The following BLOC1S3 variants were observed in gnomAD, a reference collection of about 807,000 sequenced individuals.
BLOC1S3 encodes the protein biogenesis of lysosomal organelles complex 1 subunit 3.
A neutral mutation model predicts 9.1 loss-of-function variants in BLOC1S3; 7 were observed. The ratio of observed to expected loss-of-function variants is 0.77; its 90% confidence interval spans 0.44 to 1.45. The LOEUF (loss-of-function observed/expected upper bound fraction) is 1.45, where lower values mean the gene tolerates loss of function less well. Among genes scored for constraint, BLOC1S3 ranks in the 40% most tolerant of loss-of-function variants. The pLI is 0.01. For missense variants in BLOC1S3, 307 were observed against 315.2 expected, an observed-to-expected ratio of 0.97 and a Z score of 0.20; for synonymous variants, 145 against 158.4, an observed-to-expected ratio of 0.92 and a Z score of 0.64.
At chr19:45,215,959 G>T in intron 3 of BLOC1S3, 1 of 1,458,444 alleles carries the variant, frequency 6.9e-7, no homozygotes, top group South Asian at 1.3e-5. Flanking sequence ...ACGGCCGTCA[G>T]ACACGCTCAC....
chr19:45,216,121 C>G (rs1290860530), intron 3 of BLOC1S3: 1 of 1,613,988 alleles, frequency 6.2e-7, no homozygotes, highest in Admixed American at 1.7e-5. Flanking sequence ...CACCTGGATG[C>G]TGGGCGTGTC....
At chr19:45,211,937 C>A (rs1036736152) in intron 3 of BLOC1S3, among the ~76,000 whole-genome samples, 1 of 152,134 alleles carries the variant, frequency 6.6e-6, no homozygotes, top group South Asian at 2.1e-4. Context: ...TAGGATCCGG[C>A]GGGGCTGGGG....
At chr19:45,202,210 TAAAAAAAAAAAAAAA>T (rs59295257) in intron 2 of BLOC1S3, among the ~76,000 whole-genome samples, 1 of 54,906 alleles carries the variant, frequency 1.8e-5, no homozygotes, top group East Asian at 8.5e-4. Context: ...AGACTCCATC[TAAAAAAAAAAAAAAA>T]AAAAAAAAAA....
chr19:45,201,839 G>A (rs1162941606), intron 2 of BLOC1S3, among the ~76,000 whole-genome samples: 1 of 152,088 alleles, frequency 6.6e-6, no homozygotes. Context: ...CTGTTCTTGT[G>A]GTATTGAATA....
intron 2 of BLOC1S3, among the ~76,000 whole-genome samples, chr19:45,197,702 G>A (rs1969659650): frequency 6.6e-6 from 1 of 151,594 alleles, no homozygotes; most frequent in African/African-American, 2.4e-5. Context: ...GTGGGTGCCT[G>A]TAATCCCAGC....
chr19:45,211,045 A>G (rs562883018), intron 3 of BLOC1S3, among the ~76,000 whole-genome samples: 11 of 152,188 alleles, frequency 7.2e-5, no homozygotes, highest in Non-Finnish European at 1.5e-4. Flanking sequence ...TAGGAGGTAG[A>G]GGCTGCAGTG....
intron 3 of BLOC1S3, among the ~76,000 whole-genome samples, chr19:45,208,893 A>C (rs1053619661): frequency 1.3e-5 from 2 of 152,208 alleles, no homozygotes. Flanking sequence ...CATGAGATAA[A>C]GTAATGCTTA....
intron 3 of BLOC1S3, among the ~76,000 whole-genome samples, chr19:45,203,381 C>T (rs1969705460): frequency 6.6e-6 from 1 of 152,170 alleles, no homozygotes; most frequent in African/African-American, 2.4e-5. Flanking sequence ...TCAAGCGATT[C>T]TCCTGCCTCA....
intron 3 of BLOC1S3, chr19:45,213,009 C>G: frequency 7.0e-7 from 1 of 1,420,686 alleles, no homozygotes; most frequent in Non-Finnish European, 9.2e-7. Context: ...GGGCGCCGTA[C>G]GGGAGGTTGG....
chr19:45,203,299 G>A (rs1486729636), intron 3 of BLOC1S3, among the ~76,000 whole-genome samples: 2 of 151,866 alleles, frequency 1.3e-5, no homozygotes, highest in East Asian at 3.9e-4. Context: ...TATTTGAGAT[G>A]GAGTCTTGCT....
At chr19:45,211,816 A>G (rs1468330989) in intron 3 of BLOC1S3, among the ~76,000 whole-genome samples, 1 of 150,028 alleles carries the variant, frequency 6.7e-6, no homozygotes, top group Non-Finnish European at 1.5e-5. Context: ...AAAAAAAACC[A>G]CATACACACA....
intron 3 of BLOC1S3, among the ~76,000 whole-genome samples, chr19:45,212,168 G>A (rs981618755): frequency 3.9e-5 from 6 of 152,214 alleles, no homozygotes; most frequent in African/African-American, 1.2e-4. Context: ...TCAGAGTGGC[G>A]AAGGCCTGGC....
At position 45,194,102 on chromosome 19, in the gene BLOC1S3, C is replaced by CTTTT. The variant is rs34470523; in HGVS notation, n.180+6384_180+6387dup. Among the ~76,000 whole-genome samples, 28 of 45,120 alleles carry CTTTT rather than the reference C, an allele frequency of 6.2e-4. 1 individual carries two copies. Among genetic ancestry groups the CTTTT allele is most frequent in the African/African-American group, 2.3e-3 (20 of 8,682 alleles). The allele number at this position is 45,120 out of a possible 152,430, so 29.6% of individuals were successfully genotyped here. A position where few individuals can be genotyped will look rare whatever the true frequency, so the allele number is the denominator to read the frequency against. ...ACAGGTGTGAGCCACCGCGCCTGGC[C>CTTTT]TTTTTTTTTTTTTTTTTTTTTTTTT... is the stretch of plus-strand genomic sequence containing the variant. On this transcript the variant is annotated intron_variant and non_coding_transcript_variant, in intron 2 of 3. Transcript: ENST00000591569.
intron 2 of BLOC1S3, among the ~76,000 whole-genome samples, chr19:45,190,456 G>A (rs1184227990): frequency 2.6e-5 from 4 of 151,742 alleles, no homozygotes; most frequent in African/African-American, 9.7e-5. Context: ...CTGGAGTGCA[G>A]TGCCACAGTC....
At chr19:45,194,102 C>CTT (rs34470523) in intron 2 of BLOC1S3, among the ~76,000 whole-genome samples, 852 of 45,130 alleles carry the variant, frequency 0.019, 100 homozygotes, top group African/African-American at 0.04. Context: ...CGCGCCTGGC[C>CTT]TTTTTTTTTT....
In BLOC1S3 at chr19:45,210,726, C is replaced by T. The variant is rs542319486; in HGVS notation, n.283-5950C>T. ...TCAGGCGATCCTCCCACCTCTGTGT[C>T]CCAAACTGCTGTGTGAGCCACTGTG... On this transcript the variant is annotated intron_variant and non_coding_transcript_variant, in intron 3 of 3. Coordinates refer to the BLOC1S3 transcript ENST00000591569. Among the ~76,000 whole-genome samples, 3 of 152,270 alleles carry T rather than the reference C, an allele frequency of 2.0e-5. No individual in the cohort carries two copies. The South Asian group carries it at 6.2e-4, about 32-fold the overall frequency.
Position 45,209,468 on chromosome 19 carries a change from T to C in BLOC1S3, n.282+6961T>C, listed in dbSNP as rs369503543. ...ACAGTGTCTTGCTCTGTCGCCCAGG[T>C]TGGAGTGCAGTAATGCAATCTCGGC... On this transcript the variant is annotated intron_variant and non_coding_transcript_variant, in intron 3 of 3. Coordinates refer to the BLOC1S3 transcript ENST00000591569. Among the ~76,000 whole-genome samples the C allele has an allele frequency of 4.5e-4, 68 of 151,192 alleles. No homozygotes were observed. In the East Asian group the frequency reaches 9.3e-3, roughly 21 times the overall value.
At position 45,181,664 on chromosome 19, in the gene BLOC1S3, C is replaced by T. The variant is rs556943431; in HGVS notation, c.*1759C>T. ...CCGATCCCAGCTCTGGTCCCTCAGC[C>T]GCATTCATATTTACTCTCCTCTCCC... is the stretch of plus-strand genomic sequence containing the variant. On this transcript the variant is annotated 3_prime_UTR_variant, in exon 2 of 2. Transcript: ENST00000433642. 139 of 167,226 alleles carry T rather than the reference C, an allele frequency of 8.3e-4. 1 individual carries two copies. The highest frequency in any genetic ancestry group is 3.2e-3 in the African/African-American group (131 of 41,566). 10.4% of individuals were successfully genotyped at this position (167,226 alleles called of 1,614,324 possible).
rs1223620664 is a variant in BLOC1S3 at position 45,180,716 on chromosome 19, C to T, written c.*811C>T. 1 of 167,194 alleles carries T rather than the reference C, an allele frequency of 6.0e-6. No homozygotes were observed. Among genetic ancestry groups the T allele is most frequent in the African/African-American group, 2.4e-5 (1 of 41,414 alleles). 10.4% of individuals were successfully genotyped at this position (167,194 alleles called of 1,614,324 possible). On this transcript the variant is annotated 3_prime_UTR_variant, in exon 2 of 2. Coordinates refer to ENST00000433642, the MANE Select transcript of BLOC1S3 (RefSeq NM_212550.5). ...AGCTCCACTTCCAGAACTGCCTTCACCCTAGGCTGGGTCCTTGTTTTGTTT... is the reference window on the plus strand; with the variant it reads ...AGCTCCACTTCCAGAACTGCCTTCATCCTAGGCTGGGTCCTTGTTTTGTTT...
Sources: gnomAD v4.1 joint callset for allele counts (sites outside exome capture counted in the v4.1 genomes callset) on GRCh38, gnomAD v4.1.1 for gene constraint, MANE v1.5 for transcripts, NCBI Gene and HGNC (gene_info 2026-07-23, HGNC 2026-07-21) for gene names.